The following FAM53A variants were observed in gnomAD, a reference collection of about 807,000 sequenced individuals.
FAM53A encodes family with sequence similarity 53 member A, also known as protein FAM53A.
In FAM53A, 28 loss-of-function variants were observed where a neutral mutation model predicts 26.6. That is an observed-to-expected ratio of 1.05 (90% CI 0.78 to 1.45). The LOEUF (loss-of-function observed/expected upper bound fraction) is 1.45. FAM53A is among the 40% of genes most tolerant of loss of function. The probability of loss-of-function intolerance (pLI) is 0.00; values close to 1 mark genes in which losing one functional copy is unlikely to be tolerated. For missense variants in FAM53A, 650 were observed against 575.8 expected (o/e 1.13, Z -1.32); for synonymous variants, 290 against 253.1 (o/e 1.15, Z -1.38).
downstream of FAM53A, among the ~76,000 whole-genome samples, chr4:1,635,887 A>C (rs1440894439): frequency 2.5e-5 from 3 of 120,034 alleles, no homozygotes; most frequent in Admixed American, 3.6e-4. Flanking sequence ...TCTGTCGCCC[A>C]GGCTGGAGTG....
In FAM53A at chr4:1,655,668, G is replaced by A. The variant is rs766473154; in HGVS notation, c.192C>T (p.Ala64=). Residue 64 remains alanine (A), a synonymous_variant, in exon 4 of 5, where the codon GCC becomes GCT. Transcript: ENST00000308132. ...SGGPPVRSQA[A]TGPDFSFLPG... ...GCAGGAAGGAGAAATCAGGGCCCGT[G>A]GCTGCCTGGCTTCTGACGGGCGGTC... is the stretch of plus-strand genomic sequence containing the variant. 1.9e-6 allele frequency: 3 copies of A among 1,595,336 alleles called. No individual in the cohort carries two copies. The highest frequency in any genetic ancestry group is 2.6e-6 in the Non-Finnish European group (3 of 1,173,474).
chr4:1,602,261 C>T, the FAM53A span, among the ~76,000 whole-genome samples: 2 of 152,334 alleles, frequency 1.3e-5, no homozygotes, highest in East Asian at 3.9e-4. Context: ...GCTGGGCCCC[C>T]ACCTCCCAAA....
the FAM53A span, among the ~76,000 whole-genome samples, chr4:1,610,032 T>C: frequency 6.6e-6 from 1 of 152,008 alleles, no homozygotes; most frequent in Non-Finnish European, 1.5e-5. Context: ...TGGACTAATA[T>C]GGCCTCCCTG....
intron 4 of FAM53A, among the ~76,000 whole-genome samples, chr4:1,654,157 G>A (rs1713116741): frequency 1.3e-5 from 2 of 152,224 alleles, no homozygotes; most frequent in Non-Finnish European, 2.9e-5. Flanking sequence ...AGTTGGCATC[G>A]GGAAGTCCTG....
At chr4:1,661,625 G>A (rs1295043766) in intron 2 of FAM53A, among the ~76,000 whole-genome samples, 4 of 100,478 alleles carry the variant, frequency 4.0e-5, no homozygotes, top group Admixed American at 2.8e-4. Context: ...TGGCCCCAAT[G>A]GCCTTTGCCC....
intron 1 of FAM53A, among the ~76,000 whole-genome samples, chr4:1,626,722 T>C (rs1445716307): frequency 1.3e-5 from 2 of 151,398 alleles, no homozygotes; most frequent in African/African-American, 4.9e-5. Flanking sequence ...AGTGATGTTT[T>C]GAGTCTGGGG....
chr4:1,630,189 G>C lies in FAM53A; in HGVS notation c.432-12078C>G, dbSNP rs567465165. Reference sequence around the variant, plus strand: ...TAGGTCATCCCCTTCCAAGCTGTCGGAGCTGCCCACGAGGCAGGTGCACAA... The same window carrying C: ...TAGGTCATCCCCTTCCAAGCTGTCGCAGCTGCCCACGAGGCAGGTGCACAA... On this transcript the variant is annotated intron_variant, in intron 1 of 1. Transcript: ENST00000489029. This position sits in a 1 kb window ranked among gnomAD's most constrained non-coding sequence, Gnocchi z 4.3. Among the ~76,000 whole-genome samples, 19 of 152,292 alleles carry C rather than the reference G, an allele frequency of 1.2e-4. No individual in the cohort carries two copies. The highest frequency in any genetic ancestry group is 4.3e-4 in the African/African-American group (18 of 41,562).
chr4:1,582,885 T>C, the FAM53A span, among the ~76,000 whole-genome samples: 30 of 152,232 alleles, frequency 2.0e-4, no homozygotes, highest in South Asian at 5.6e-3. Context: ...GCTACATATA[T>C]AGGCAGGATC....
chr4:1,577,380 C>T, the FAM53A span, among the ~76,000 whole-genome samples: 1 of 152,210 alleles, frequency 6.6e-6, no homozygotes, highest in African/African-American at 2.4e-5. Flanking sequence ...CGGACCCCGC[C>T]AGCAGACGGA....
chr4:1,683,891 G>C (rs1440001244), intron 1 of FAM53A: 3 of 152,216 alleles, frequency 2.0e-5, no homozygotes, highest in African/African-American at 7.2e-5. Context: ...TCCCCTCCTC[G>C]GGTCGCCGGG....
At chr4:1,622,239 G>A (rs1200955778) in intron 1 of FAM53A, among the ~76,000 whole-genome samples, 6 of 151,908 alleles carry the variant, frequency 3.9e-5, no homozygotes, top group South Asian at 2.1e-4. Flanking sequence ...TGCCAGCCTC[G>A]GCTCATACTC....
At chr4:1,605,911 C>T in the FAM53A span, among the ~76,000 whole-genome samples, 1 of 152,164 alleles carries the variant, frequency 6.6e-6, no homozygotes, top group East Asian at 1.9e-4. The surrounding 1 kb of genome is among the most constrained non-coding windows in gnomAD (Gnocchi z 5.7). Flanking sequence ...CTCGTTGTCC[C>T]GTTCCTGTCC....
chr4:1,655,289 T>A lies in FAM53A; in HGVS notation c.571A>T (p.Ser191Cys). ...TCGCTGCTGTCCACGAAGCCGCCGC[T>A]GGCGGAGGACGGCCGGGGCGTGGCG... ...SPATPRPSSA[S>C]GGFVDSSEGS... is the part of the protein sequence containing the mutation. The change falls in exon 4 of 5, where the codon AGC (serine) becomes TGC (cysteine). Residue 191 changes from serine (S) to cysteine (C), a missense_variant. By Grantham distance (112) the Ser-to-Cys change is moderately radical. Transcript: ENST00000308132. 7.0e-7 allele frequency: 1 copy of A among 1,426,568 alleles called. No homozygotes were observed. Among genetic ancestry groups the A allele is most frequent in the South Asian group, 1.5e-5 (1 of 66,520 alleles). 88.4% of individuals were successfully genotyped at this position (1,426,568 alleles called of 1,614,324 possible).
rs1715546523 is a variant in FAM53A at position 1,630,100 on chromosome 4, T to C, written c.432-11989A>G. 6.6e-6 allele frequency among the ~76,000 whole-genome samples: 1 copy of C among 152,156 alleles called. No individual in the cohort carries two copies. The highest frequency in any genetic ancestry group is 1.5e-5 in the Non-Finnish European group (1 of 68,024). On this transcript the variant is annotated intron_variant, in intron 1 of 1. Coordinates refer to the FAM53A transcript ENST00000489029. This position sits in a 1 kb window ranked among gnomAD's most constrained non-coding sequence, Gnocchi z 4.3. ...CCGCTGGACACCTCACCCGGCTGCC[T>C]GCCTGCCAGGTGTGGTGAGGGTATG...
chr4:1,600,896 C>T, the FAM53A span, among the ~76,000 whole-genome samples: 10 of 152,312 alleles, frequency 6.6e-5, no homozygotes, highest in South Asian at 1.2e-3. Context: ...TCGGAGGAGA[C>T]GGCTCCTGTC....
rs1560118126 is a variant in FAM53A at position 1,630,410 on chromosome 4, A to G, written c.432-12299T>C. 6.6e-6 allele frequency among the ~76,000 whole-genome samples: 1 copy of G among 152,232 alleles called. No individual in the cohort carries two copies. Among genetic ancestry groups the G allele is most frequent in the Non-Finnish European group, 1.5e-5 (1 of 68,038 alleles). ...AAATGCACGTCGGGGAGTTCCCATC[A>G]AACTCTACGGAAACAGGCCGCGTCT... On this transcript the variant is annotated intron_variant, in intron 1 of 1. Transcript: ENST00000489029. The surrounding 1 kb of genome is among the most constrained non-coding windows in gnomAD (Gnocchi z 4.3).
intron 1 of FAM53A, among the ~76,000 whole-genome samples, chr4:1,634,196 G>A (rs558189871): frequency 3.3e-4 from 51 of 152,300 alleles, no homozygotes; most frequent in Middle Eastern, 3.4e-3. Context: ...CTCGGGGTGT[G>A]GCAGGAGGTG....
exon 2 of FAM53A, chr4:1,617,941 A>G: frequency 2.3e-6 from 1 of 425,652 alleles, no homozygotes; most frequent in South Asian, 1.7e-5. Context: ...CTCCTTCACC[A>G]AGAGAGAAGT....
In FAM53A at chr4:1,659,235, A is replaced by C. The variant is rs951165069; in HGVS notation, c.76-1767T>G. Among the ~76,000 whole-genome samples, 1 of 152,062 alleles carries C rather than the reference A, an allele frequency of 6.6e-6. No individual in the cohort carries two copies. Among genetic ancestry groups the C allele is most frequent in the Admixed American group, 6.6e-5 (1 of 15,266 alleles). On this transcript the variant is annotated intron_variant, in intron 2 of 4. Coordinates refer to ENST00000308132, the MANE Select transcript of FAM53A (RefSeq NM_001174070.3). This position sits in a 1 kb window ranked among gnomAD's most constrained non-coding sequence, Gnocchi z 5.2. ...GACCTCCAGGTTCTCCCACCCCGGGACCCGGGTCCGATGGAAGAGAGGAGA... is the reference window on the plus strand; with the variant it reads ...GACCTCCAGGTTCTCCCACCCCGGGCCCCGGGTCCGATGGAAGAGAGGAGA...
Sources: gnomAD v4.1 joint callset for allele counts (sites outside exome capture counted in the v4.1 genomes callset) on GRCh38, gnomAD v4.1.1 for gene constraint, Gnocchi (gnomAD v3.1) non-coding constraint, MANE v1.5 for transcripts, NCBI Gene and HGNC (gene_info 2026-07-23, HGNC 2026-07-21) for gene names.